Variants in PDE4D observed in about 807,000 individuals in gnomAD.
PDE4D encodes 3',5'-cyclic-AMP phosphodiesterase 4D.
Under a neutral mutation model 87.4 loss-of-function variants are expected in PDE4D, and 24 were observed. That is an observed-to-expected ratio of 0.27 (90% CI 0.20 to 0.39). PDE4D has a LOEUF of 0.39. Among genes scored for constraint, PDE4D ranks in the 10% least tolerant of loss-of-function variants. The pLI, the probability that PDE4D is intolerant of heterozygous loss-of-function variation, is 1.00. For synonymous variants in PDE4D, 384 were observed against 383.2 expected, an observed-to-expected ratio of 1.00 and a Z score of -0.02; for missense variants, 714 against 1,041.0, an observed-to-expected ratio of 0.69 and a Z score of 4.32.
chr5:60,011,791 T>C (rs1765042752), intron 2 of PDE4D, among the ~76,000 whole-genome samples: 2 of 152,274 alleles, frequency 1.3e-5, no homozygotes, highest in South Asian at 2.1e-4. Context: ...AGACCCTGTT[T>C]CCTAATTAAT....
intron 1 of PDE4D, among the ~76,000 whole-genome samples, chr5:59,821,141 GA>G (rs1186120985): frequency 6.6e-6 from 1 of 152,054 alleles, no homozygotes; most frequent in Non-Finnish European, 1.5e-5. Context: ...GCTGAGGCAG[GA>G]GAATCACTTG....
intron 1 of PDE4D, among the ~76,000 whole-genome samples, chr5:60,442,645 G>A (rs1423280380): frequency 6.6e-6 from 1 of 152,078 alleles, no homozygotes; most frequent in Non-Finnish European, 1.5e-5. Context: ...GTTTAGATAA[G>A]CACTATAAAA....
At position 59,586,709 on chromosome 5, in the gene PDE4D, C is replaced by A. The variant is rs1825196849; in HGVS notation, c.455+306459G>T. ...CAAATATTGTCCTGGTAAAATCTAA[C>A]CGCCTTGAGTGTAAATTAATGCATC... On this transcript the variant is annotated intron_variant, in intron 1 of 14. Coordinates refer to ENST00000340635, the MANE Select transcript of PDE4D (RefSeq NM_001104631.2). 3 of 985,194 alleles carry A rather than the reference C, an allele frequency of 3.0e-6. No individual in the cohort carries two copies. In the South Asian group the frequency reaches 1.4e-4, roughly 46 times the overall value. The allele number at this position is 985,194 out of a possible 1,614,324, so 61.0% of individuals were successfully genotyped here. A position where few individuals can be genotyped will look rare whatever the true frequency, so the allele number is the denominator to read the frequency against.
chr5:59,714,912 C>T (rs905859595), intron 1 of PDE4D, among the ~76,000 whole-genome samples: 7 of 152,184 alleles, frequency 4.6e-5, no homozygotes, highest in Admixed American at 3.3e-4. Context: ...GGGTAGTTGA[C>T]CAAGGGTGCT....
intron 1 of PDE4D, among the ~76,000 whole-genome samples, chr5:59,584,573 A>T (rs996673551): frequency 6.6e-6 from 1 of 152,248 alleles, no homozygotes; most frequent in Non-Finnish European, 1.5e-5. Flanking sequence ...GCAAATTTGC[A>T]TTCTTTCCAA....
chr5:59,856,427 T>C (rs573097916), intron 1 of PDE4D, among the ~76,000 whole-genome samples: 1 of 152,334 alleles, frequency 6.6e-6, no homozygotes, highest in South Asian at 2.1e-4. Context: ...CATCAATGTG[T>C]ACGACAGTTA....
chr5:60,492,014 C>A (rs1239555734), upstream of PDE4D, among the ~76,000 whole-genome samples: 1 of 151,938 alleles, frequency 6.6e-6, no homozygotes, highest in Non-Finnish European at 1.5e-5. Flanking sequence ...GGGAGATATA[C>A]CTAATGCTAG....
chr5:59,517,786 C>T (rs1811443368), intron 1 of PDE4D, among the ~76,000 whole-genome samples: 1 of 152,146 alleles, frequency 6.6e-6, no homozygotes, highest in African/African-American at 2.4e-5. Context: ...ACGTTATTCA[C>T]ATTTAATAGC....
chr5:59,986,207 A>C (rs1014461991), intron 3 of PDE4D, among the ~76,000 whole-genome samples: 2 of 152,170 alleles, frequency 1.3e-5, no homozygotes, highest in Non-Finnish European at 2.9e-5. Flanking sequence ...GGCGCATGCC[A>C]CTACACCCAG....
At chr5:59,031,965 C>T (rs945241111) in intron 6 of PDE4D, among the ~76,000 whole-genome samples, 2 of 151,744 alleles carry the variant, frequency 1.3e-5, no homozygotes, top group African/African-American at 4.8e-5. Context: ...TGGAAGATGT[C>T]GATCAAACAG....
intron 1 of PDE4D, among the ~76,000 whole-genome samples, chr5:59,325,447 A>G (rs749413285): frequency 5.9e-5 from 9 of 152,110 alleles, no homozygotes; most frequent in Non-Finnish European, 1.3e-4. Flanking sequence ...TACGCTTTAA[A>G]TAGTAAATGC....
intron 2 of PDE4D, among the ~76,000 whole-genome samples, chr5:60,099,415 T>C (rs1048435026): frequency 6.6e-6 from 1 of 151,750 alleles, no homozygotes; most frequent in Non-Finnish European, 1.5e-5. Context: ...CTGAACAACA[T>C]GAAAATCAAA....
chr5:58,994,550 A>G (rs1327881673), intron 6 of PDE4D, among the ~76,000 whole-genome samples: 2 of 152,198 alleles, frequency 1.3e-5, no homozygotes, highest in Non-Finnish European at 2.9e-5. Context: ...AGCCTTTAAA[A>G]TTTGAAATTT....
intron 1 of PDE4D, among the ~76,000 whole-genome samples, chr5:60,218,920 T>C (rs1190127277): frequency 6.6e-6 from 1 of 152,146 alleles, no homozygotes; most frequent in South Asian, 2.1e-4. Flanking sequence ...AGTATTGTGT[T>C]ATTAAATTAC....
rs185503119 is a variant in PDE4D at position 59,093,138 on chromosome 5, G to A, written c.809-54167C>T. On this transcript the variant is annotated intron_variant, in intron 5 of 14. Transcript: ENST00000340635. ...AGTGCCTTAGCATAATCGAGGAAAT[G>A]GTTACGGAGAGTAAATTCCAAGAGA... Among the ~76,000 whole-genome samples, 16 of 151,978 alleles carry A rather than the reference G, an allele frequency of 1.1e-4. No individual in the cohort carries two copies. In the East Asian group the frequency reaches 3.1e-3, roughly 29 times the overall value.
chr5:60,431,031 A>C (rs369495720), intron 1 of PDE4D: 1 of 259,980 alleles, frequency 3.8e-6, no homozygotes, highest in South Asian at 3.2e-5. Context: ...CATTGTCATC[A>C]TGGCCCGTTC....
intron 1 of PDE4D, among the ~76,000 whole-genome samples, chr5:60,389,126 A>G (rs1277029969): frequency 6.6e-6 from 1 of 152,200 alleles, no homozygotes; most frequent in Admixed American, 6.5e-5. Flanking sequence ...GAGCAAATCT[A>G]TGAAAGGATT....
chr5:60,151,522 A>T (rs1242620143), intron 2 of PDE4D, among the ~76,000 whole-genome samples: 2 of 152,040 alleles, frequency 1.3e-5, no homozygotes, highest in Non-Finnish European at 1.5e-5. Flanking sequence ...ATTGTAGATA[A>T]ATTTTTTTCT....
chr5:60,096,098 T>C (rs1775652582), intron 2 of PDE4D, among the ~76,000 whole-genome samples: 1 of 152,178 alleles, frequency 6.6e-6, no homozygotes, highest in South Asian at 2.1e-4. Flanking sequence ...TTTAGTTTAA[T>C]TAGATCCCAT....
Sources: allele counts gnomAD v4.1 joint callset (sites outside exome capture counted in the v4.1 genomes callset), GRCh38; gene constraint gnomAD v4.1.1; transcripts MANE v1.5; gene names NCBI Gene and HGNC (gene_info 2026-07-23, HGNC 2026-07-21).